ADAMTSL3: variants seen among roughly 807,000 people sequenced by gnomAD.
ADAMTSL3 encodes ADAMTS-like protein 3.
Under a neutral mutation model 201.7 loss-of-function variants are expected in ADAMTSL3, and 128 were observed. The observed-to-expected ratio is 0.63, with a 90% CI of 0.55 to 0.73. ADAMTSL3 has a LOEUF of 0.73. Among genes scored for constraint, ADAMTSL3 ranks in the 30% least tolerant of loss-of-function variants. ADAMTSL3 has a pLI of 0.00. For synonymous variants in ADAMTSL3, 738 were observed against 748.4 expected, an observed-to-expected ratio of 0.99 and a Z score of 0.23; for missense variants, 1,990 against 2,119.6, an observed-to-expected ratio of 0.94 and a Z score of 1.20.
At chr15:83,948,039 C>T (rs1351339921) in intron 19 of ADAMTSL3, among the ~76,000 whole-genome samples, 1 of 152,170 alleles carries the variant, frequency 6.6e-6, no homozygotes, top group East Asian at 1.9e-4. Flanking sequence ...AACTCTTCAA[C>T]TCTTGAACTA....
In ADAMTSL3 at chr15:83,838,119, A is replaced by G. The variant is rs1458021549; in HGVS notation, c.631A>G (p.Asn211Asp). The G allele has an allele frequency of 5.6e-6, 9 of 1,612,276 alleles. No homozygotes were observed. In the Admixed American group the frequency reaches 1.5e-4, roughly 27 times the overall value. Residue 211 changes from asparagine (N) to aspartate (D), a missense_variant, in exon 7 of 30, where the codon AAT becomes GAT. By Grantham distance (23) the Asn-to-Asp change is conservative (BLOSUM62 1). Transcript: ENST00000286744. Reference protein sequence around the residue: ...AVGCDRQLGSNAKEDNCGVCA... With the variant: ...AVGCDRQLGSDAKEDNCGVCA... ...GGGCTGCGATCGGCAACTGGGAAGCAATGCCAAGGAGGACAACTGTGGAGT... is the reference window on the plus strand; with the variant it reads ...GGGCTGCGATCGGCAACTGGGAAGCGATGCCAAGGAGGACAACTGTGGAGT...
At chr15:83,883,758 A>C (rs147908769) in intron 9 of ADAMTSL3, among the ~76,000 whole-genome samples, 1,623 of 150,970 alleles carry the variant, frequency 0.011, 22 homozygotes, top group African/African-American at 0.038. Context: ...GAGAGATAGG[A>C]TCTTGCTATG....
chr15:83,847,939 A>G (rs181648976), intron 7 of ADAMTSL3, among the ~76,000 whole-genome samples: 1 of 147,390 alleles, frequency 6.8e-6, no homozygotes, highest in South Asian at 2.2e-4. Context: ...AATAAAACCT[A>G]TTTTTTTTTT....
intron 3 of ADAMTSL3, among the ~76,000 whole-genome samples, chr15:83,722,251 G>A (rs1017509335): frequency 7.2e-5 from 11 of 152,300 alleles, no homozygotes; most frequent in Non-Finnish European, 1.3e-4. Context: ...TAAAATCAAC[G>A]AGGAGACTGT....
chr15:83,944,735 C>T (rs2066623518), intron 19 of ADAMTSL3, among the ~76,000 whole-genome samples: 1 of 152,150 alleles, frequency 6.6e-6, no homozygotes, highest in Non-Finnish European at 1.5e-5. Context: ...TCCAACAGAC[C>T]CATGCTGGTA....
At chr15:84,026,299 A>G (rs756725962) in intron 27 of ADAMTSL3, among the ~76,000 whole-genome samples, 4 of 152,150 alleles carry the variant, frequency 2.6e-5, no homozygotes, top group Non-Finnish European at 4.4e-5. Flanking sequence ...ACTACAAAAT[A>G]TTTTTCAAAG....
At chr15:83,808,182 G>C (rs1279861145) in intron 5 of ADAMTSL3, among the ~76,000 whole-genome samples, 1 of 152,078 alleles carries the variant, frequency 6.6e-6, no homozygotes, top group Non-Finnish European at 1.5e-5. Context: ...GGAAACAAGA[G>C]TAAAGAGATA....
At chr15:83,886,750 A>G (rs544460588) in intron 10 of ADAMTSL3, among the ~76,000 whole-genome samples, 4 of 152,214 alleles carry the variant, frequency 2.6e-5, no homozygotes, top group Admixed American at 1.3e-4. Flanking sequence ...AACTACAGGT[A>G]TATGAAGGAG....
rs56329675 is a variant in ADAMTSL3 at position 83,917,417 on chromosome 15, GTGTA to G, written c.1987+4077_1987+4080del. Among the ~76,000 whole-genome samples, 317 of 146,638 alleles carry G rather than the reference GTGTA, an allele frequency of 2.2e-3. 1 individual carries two copies. The highest frequency in any genetic ancestry group is 5.4e-3 in the African/African-American group (210 of 38,762). On this transcript the variant is annotated intron_variant, in intron 16 of 29. Coordinates refer to ENST00000286744, the MANE Select transcript of ADAMTSL3 (RefSeq NM_207517.3). ...CACCAATCTCCAGCTTCCAAAGTGT[GTGTA>G]TGTATGTATGTATGTATGTATGTAT...
chr15:83,970,209 A>C (rs1467818778), intron 19 of ADAMTSL3, among the ~76,000 whole-genome samples: 10 of 151,358 alleles, frequency 6.6e-5, no homozygotes, highest in Admixed American at 6.6e-4. Flanking sequence ...TCCAAAAGAA[A>C]GAGTGAGATG....
intron 2 of ADAMTSL3, among the ~76,000 whole-genome samples, chr15:83,660,651 A>G (rs1231990404): frequency 6.6e-6 from 1 of 152,224 alleles, no homozygotes; most frequent in African/African-American, 2.4e-5. Context: ...GCCTTTTCCC[A>G]TCCCCTAATG....
intron 17 of ADAMTSL3, among the ~76,000 whole-genome samples, chr15:83,928,365 T>TA (rs2066287776): frequency 6.6e-6 from 1 of 151,998 alleles, no homozygotes; most frequent in Non-Finnish European, 1.5e-5. Flanking sequence ...AAGAAGAAAA[T>TA]ACAACCCAAT....
intron 4 of ADAMTSL3, among the ~76,000 whole-genome samples, chr15:83,793,280 A>G (rs892889976): frequency 2.6e-5 from 4 of 152,226 alleles, no homozygotes; most frequent in Non-Finnish European, 4.4e-5. Flanking sequence ...CAACAGTGTC[A>G]TTGTAGTTAA....
At chr15:83,966,735 A>G (rs1037488323) in intron 19 of ADAMTSL3, among the ~76,000 whole-genome samples, 4 of 152,170 alleles carry the variant, frequency 2.6e-5, no homozygotes, top group Non-Finnish European at 2.9e-5. Flanking sequence ...AAAAAAAAGA[A>G]AATTTCAGGC....
chr15:83,824,630 C>G (rs1391792312), intron 6 of ADAMTSL3, among the ~76,000 whole-genome samples: 1 of 152,112 alleles, frequency 6.6e-6, no homozygotes, highest in Non-Finnish European at 1.5e-5. Flanking sequence ...CTATGCTTTG[C>G]TCTTTCATCC....
At chr15:83,856,725 G>A (rs567626436) in intron 7 of ADAMTSL3, among the ~76,000 whole-genome samples, 4 of 152,116 alleles carry the variant, frequency 2.6e-5, no homozygotes, top group Non-Finnish European at 4.4e-5. Context: ...CAGATACTTA[G>A]GTTGTTTCTT....
intron 25 of ADAMTSL3, among the ~76,000 whole-genome samples, chr15:84,019,146 A>G (rs2141906313): frequency 6.6e-6 from 1 of 150,882 alleles, no homozygotes; most frequent in East Asian, 2.0e-4. Flanking sequence ...GACGTTTCAC[A>G]AAAGATGATA....
chr15:83,947,222 G>A (rs2066670167), intron 19 of ADAMTSL3, among the ~76,000 whole-genome samples: 1 of 152,190 alleles, frequency 6.6e-6, no homozygotes, highest in South Asian at 2.1e-4. Flanking sequence ...TTCTGGATAA[G>A]GTCCTTCCAC....
chr15:83,859,140 A>G (rs1313320748), intron 8 of ADAMTSL3, among the ~76,000 whole-genome samples: 1 of 152,264 alleles, frequency 6.6e-6, no homozygotes, highest in African/African-American at 2.4e-5. Context: ...TTTTAAAGAC[A>G]GGGAGATAGA....
Sources: allele counts gnomAD v4.1 joint callset (sites outside exome capture counted in the v4.1 genomes callset), GRCh38; gene constraint gnomAD v4.1.1; transcripts MANE v1.5; gene names NCBI Gene and HGNC (gene_info 2026-07-23, HGNC 2026-07-21).